Variants in INPP4B observed in about 807,000 individuals in gnomAD.
INPP4B encodes the protein inositol polyphosphate-4-phosphatase type II B, also known as inositol polyphosphate 4-phosphatase type II.
Under a neutral mutation model 122.5 loss-of-function variants are expected in INPP4B, and 55 were observed. The ratio of observed to expected loss-of-function variants is 0.45; its 90% confidence interval spans 0.36 to 0.56. The LOEUF (loss-of-function observed/expected upper bound fraction) is 0.56. Ranked by LOEUF, INPP4B falls within the 20% of genes least tolerant of loss-of-function variation. INPP4B has a pLI of 0.00. For missense variants in INPP4B, 1,000 were observed against 1,097.7 expected (o/e 0.91, Z 1.26); for synonymous variants, 403 against 388.7 (o/e 1.04, Z -0.43).
intron 25 of INPP4B, among the ~76,000 whole-genome samples, chr4:142,041,939 C>T (rs1338217704): frequency 2.0e-5 from 3 of 152,178 alleles, no homozygotes. Flanking sequence ...CTGCTGCCAC[C>T]TCAGATCAGC....
At chr4:142,676,753 C>T (rs1287204123) in intron 2 of INPP4B, among the ~76,000 whole-genome samples, 2 of 151,932 alleles carry the variant, frequency 1.3e-5, no homozygotes, top group Admixed American at 6.6e-5. Flanking sequence ...GTATTTCCTA[C>T]TTAAGAAATG....
chr4:142,430,319 A>G (rs1809026664), intron 4 of INPP4B, among the ~76,000 whole-genome samples: 1 of 152,114 alleles, frequency 6.6e-6, no homozygotes, highest in African/African-American at 2.4e-5. Flanking sequence ...TGTGAACTTG[A>G]AATGTCTGCG....
At chr4:142,574,234 A>T (rs187175206) in intron 2 of INPP4B, among the ~76,000 whole-genome samples, 2 of 152,208 alleles carry the variant, frequency 1.3e-5, no homozygotes, top group Admixed American at 1.3e-4. Context: ...TTACAAACTC[A>T]TGGAGGGAAC....
chr4:142,819,687 G>A lies in INPP4B; in HGVS notation c.-254+26522C>T, dbSNP rs184087277. 1.1e-4 allele frequency among the ~76,000 whole-genome samples: 17 copies of A among 152,172 alleles called. 1 individual carries two copies. In the East Asian group the frequency reaches 1.5e-3, roughly 14 times the overall value. ...GTTGGTAAAACCAAAATTCAAATAC[G>A]TATGTGGTAGAGGTTATGTTGATGT... On this transcript the variant is annotated intron_variant, in intron 1 of 25. Coordinates refer to ENST00000262992, the MANE Select transcript of INPP4B (RefSeq NM_001101669.3).
intron 23 of INPP4B, among the ~76,000 whole-genome samples, chr4:142,098,064 G>A (rs1225866877): frequency 6.6e-6 from 1 of 152,228 alleles, no homozygotes; most frequent in East Asian, 1.9e-4. Flanking sequence ...TTTAAAGAGG[G>A]TGTTTAAGAA....
At chr4:142,627,704 C>A (rs896385895) in intron 2 of INPP4B, among the ~76,000 whole-genome samples, 1 of 151,652 alleles carries the variant, frequency 6.6e-6, no homozygotes, top group Non-Finnish European at 1.5e-5. Flanking sequence ...GGATATTGGT[C>A]TAAAATTCTC....
intron 2 of INPP4B, among the ~76,000 whole-genome samples, chr4:142,628,494 A>G (rs1747092217): frequency 1.4e-5 from 2 of 138,284 alleles, no homozygotes; most frequent in Non-Finnish European, 3.1e-5. Flanking sequence ...GCGCACCAGC[A>G]TGGCACATGT....
At chr4:142,337,608 A>AT (rs1232660677) in intron 7 of INPP4B, among the ~76,000 whole-genome samples, 2 of 147,350 alleles carry the variant, frequency 1.4e-5, no homozygotes, top group Non-Finnish European at 3.0e-5. Context: ...GCTGGTTCAA[A>AT]TGTTCTGTTC....
chr4:142,818,869 T>C (rs1161261665), intron 1 of INPP4B, among the ~76,000 whole-genome samples: 1 of 152,166 alleles, frequency 6.6e-6, no homozygotes. Context: ...TTTTTACCCA[T>C]AGTGTGTCTC....
At chr4:142,126,475 T>C (rs1432448408) in intron 18 of INPP4B, among the ~76,000 whole-genome samples, 1 of 152,116 alleles carries the variant, frequency 6.6e-6, no homozygotes, top group Non-Finnish European at 1.5e-5. Flanking sequence ...GGCCCCAACA[T>C]AATAAAAAGA....
At chr4:142,207,718 C>G (rs926943069) in intron 14 of INPP4B, among the ~76,000 whole-genome samples, 1 of 152,036 alleles carries the variant, frequency 6.6e-6, no homozygotes, top group African/African-American at 2.4e-5. Flanking sequence ...TGCCAGCAAA[C>G]CAGGGCATAT....
chr4:142,174,543 T>C (rs1827144260), intron 15 of INPP4B, among the ~76,000 whole-genome samples: 2 of 152,166 alleles, frequency 1.3e-5, no homozygotes, highest in Admixed American at 6.6e-5. Flanking sequence ...CATAGTGTTA[T>C]TTTATCACGA....
chr4:142,135,469 G>A (rs1803579878), intron 18 of INPP4B, among the ~76,000 whole-genome samples: 1 of 152,128 alleles, frequency 6.6e-6, no homozygotes, highest in African/African-American at 2.4e-5. Context: ...AAATCAGAAG[G>A]GATGACAACT....
chr4:142,747,351 C>T (rs1277022112), intron 1 of INPP4B, among the ~76,000 whole-genome samples: 1 of 151,980 alleles, frequency 6.6e-6, no homozygotes, highest in Non-Finnish European at 1.5e-5. Flanking sequence ...GAATGGCGAT[C>T]ATTAAAAAGT....
At chr4:142,317,811 G>A (rs1237344857) in intron 7 of INPP4B, among the ~76,000 whole-genome samples, 2 of 152,102 alleles carry the variant, frequency 1.3e-5, no homozygotes, top group Non-Finnish European at 2.9e-5. Context: ...ATAAACCAGA[G>A]CTCAGTTGTG....
At chr4:142,648,225 C>T (rs771604793) in intron 2 of INPP4B, among the ~76,000 whole-genome samples, 3 of 152,226 alleles carry the variant, frequency 2.0e-5, no homozygotes, top group African/African-American at 4.8e-5. Context: ...ATAGGAACAG[C>T]TCTGGTCTTC....
At chr4:142,246,952 T>C (rs1729188828) in intron 11 of INPP4B, among the ~76,000 whole-genome samples, 1 of 152,214 alleles carries the variant, frequency 6.6e-6, no homozygotes, top group South Asian at 2.1e-4. Flanking sequence ...ACAGCTCCTA[T>C]TATTTCGAAA....
chr4:142,505,457 C>A (rs1036678443), intron 2 of INPP4B, among the ~76,000 whole-genome samples: 1 of 151,926 alleles, frequency 6.6e-6, no homozygotes, highest in Non-Finnish European at 1.5e-5. Flanking sequence ...GAGTTCAGAT[C>A]CCAGCCCTGT....
chr4:142,121,031 A>C (rs1796336654), intron 21 of INPP4B, among the ~76,000 whole-genome samples: 1 of 152,082 alleles, frequency 6.6e-6, no homozygotes, highest in Non-Finnish European at 1.5e-5. Flanking sequence ...CTCTGCCTAC[A>C]CTAAATGGCC....
Sources: allele counts gnomAD v4.1 joint callset (sites outside exome capture counted in the v4.1 genomes callset), GRCh38; gene constraint gnomAD v4.1.1; transcripts MANE v1.5; gene names NCBI Gene and HGNC (gene_info 2026-07-23, HGNC 2026-07-21).